The following C1orf21 variants were observed in gnomAD, a reference collection of about 807,000 sequenced individuals.
C1orf21 encodes chromosome 1 open reading frame 21.
Under a neutral mutation model 18.7 loss-of-function variants are expected in C1orf21, and 3 were observed. That is an observed-to-expected ratio of 0.16 (90% CI 0.07 to 0.42). The LOEUF is 0.42. Among genes scored for constraint, C1orf21 ranks in the 10% least tolerant of loss-of-function variants. C1orf21 has a pLI of 0.99. For missense variants in C1orf21, 104 were observed against 143.6 expected, an observed-to-expected ratio of 0.72 and a Z score of 1.41; for synonymous variants, 41 against 46.4, an observed-to-expected ratio of 0.88 and a Z score of 0.47.
At chr1:184,434,241 T>C (rs1656822867) in intron 1 of C1orf21, among the ~76,000 whole-genome samples, 1 of 152,110 alleles carries the variant, frequency 6.6e-6, no homozygotes, top group Non-Finnish European at 1.5e-5. Flanking sequence ...CTAAGGCTAA[T>C]ACCAGGTGAC....
chr1:184,488,834 G>T (rs1472058506), intron 2 of C1orf21, among the ~76,000 whole-genome samples: 1 of 152,140 alleles, frequency 6.6e-6, no homozygotes, highest in Non-Finnish European at 1.5e-5. Flanking sequence ...ATGTGGCAGC[G>T]TGCGCCTGTA....
chr1:184,610,130 C>T (rs1245608309), intron 5 of C1orf21, among the ~76,000 whole-genome samples: 2 of 151,908 alleles, frequency 1.3e-5, no homozygotes, highest in African/African-American at 4.8e-5. Context: ...ATCCAGCCTG[C>T]GAGACAAAAA....
intron 1 of C1orf21, among the ~76,000 whole-genome samples, chr1:184,447,434 C>T (rs915311574): frequency 3.3e-5 from 5 of 152,224 alleles, no homozygotes; most frequent in Admixed American, 6.5e-5. Flanking sequence ...TCTCTGCATG[C>T]GTGATATCAC....
rs146642084 is a variant in C1orf21 at position 184,501,836 on chromosome 1, G to A, written c.95-5752G>A. 2.1e-3 allele frequency among the ~76,000 whole-genome samples: 315 copies of A among 152,210 alleles called. 1 individual carries two copies. The highest frequency in any genetic ancestry group is 7.2e-3 in the African/African-American group (301 of 41,534). On this transcript the variant is annotated intron_variant, in intron 2 of 5. Transcript: ENST00000235307. ...GGGCCAGAAGTGTCCCCATAAAATG[G>A]TGTGATTTGTGGGAGTTCATAGAAG...
intron 2 of C1orf21, among the ~76,000 whole-genome samples, chr1:184,489,911 T>C (rs1470481878): frequency 6.6e-6 from 1 of 152,248 alleles, no homozygotes; most frequent in Non-Finnish European, 1.5e-5. Flanking sequence ...TTTTTCTGTG[T>C]GTCTTGAATC....
chr1:184,483,482 G>C (rs1657685513), intron 2 of C1orf21, among the ~76,000 whole-genome samples: 1 of 152,174 alleles, frequency 6.6e-6, no homozygotes, highest in African/African-American at 2.4e-5. Context: ...CAGTTATATT[G>C]ACTTCCTTTT....
chr1:184,424,077 C>A (rs114801394), intron 1 of C1orf21, among the ~76,000 whole-genome samples: 1,915 of 152,186 alleles, frequency 0.013, 32 homozygotes, highest in African/African-American at 0.038. Flanking sequence ...TGAGTGAAAT[C>A]TCCTTTATTT....
intron 3 of C1orf21, among the ~76,000 whole-genome samples, chr1:184,518,430 G>A (rs953990972): frequency 1.3e-5 from 2 of 152,198 alleles, no homozygotes; most frequent in African/African-American, 2.4e-5. Context: ...TTATGGCACA[G>A]CATGCTTGTG....
At chr1:184,419,932 T>C (rs1277148729) in intron 1 of C1orf21, among the ~76,000 whole-genome samples, 2 of 152,152 alleles carry the variant, frequency 1.3e-5, no homozygotes, top group African/African-American at 2.4e-5. Flanking sequence ...AGAGGGAAGG[T>C]GAAGGGTTTC....
At chr1:184,587,023 C>A (rs1301210262) in intron 3 of C1orf21, among the ~76,000 whole-genome samples, 1 of 152,188 alleles carries the variant, frequency 6.6e-6, no homozygotes, top group Non-Finnish European at 1.5e-5. Flanking sequence ...ATCCCAGCAC[C>A]ATTTATTGAA....
intron 1 of C1orf21, among the ~76,000 whole-genome samples, chr1:184,442,952 G>A (rs866772593): frequency 5.3e-5 from 8 of 152,178 alleles, no homozygotes; most frequent in African/African-American, 1.9e-4. Context: ...AACATTGTGT[G>A]ACAATTTAAT....
chr1:184,434,377 T>C (rs1454679970), intron 1 of C1orf21, among the ~76,000 whole-genome samples: 1 of 152,164 alleles, frequency 6.6e-6, no homozygotes, highest in African/African-American at 2.4e-5. Context: ...AGACTCAAAG[T>C]CATTCATTCA....
intron 1 of C1orf21, chr1:184,412,110 G>T (rs1557965617): frequency 1.3e-5 from 2 of 152,164 alleles, no homozygotes; most frequent in Non-Finnish European, 2.9e-5. Context: ...AGTTATTTTA[G>T]TTCCCTTACC....
chr1:184,448,349 G>T (rs1396167563), intron 1 of C1orf21, among the ~76,000 whole-genome samples: 1 of 152,190 alleles, frequency 6.6e-6, no homozygotes, highest in African/African-American at 2.4e-5. Context: ...CTCCCAAAGT[G>T]CTGGGATTAC....
At chr1:184,439,861 G>T (rs1038724095) in intron 1 of C1orf21, among the ~76,000 whole-genome samples, 1 of 152,204 alleles carries the variant, frequency 6.6e-6, no homozygotes, top group African/African-American at 2.4e-5. Flanking sequence ...TCAAAAGAAA[G>T]ATGGTATGAA....
chr1:184,493,924 C>T (rs749755367), intron 2 of C1orf21, among the ~76,000 whole-genome samples: 15 of 152,122 alleles, frequency 9.9e-5, no homozygotes, highest in Non-Finnish European at 1.9e-4. Context: ...TAAAGTTATT[C>T]ATTTAAGAAC....
At chr1:184,413,449 A>G (rs1456664119) in intron 1 of C1orf21, among the ~76,000 whole-genome samples, 1 of 152,208 alleles carries the variant, frequency 6.6e-6, no homozygotes, top group Non-Finnish European at 1.5e-5. Context: ...ATGTATTAAC[A>G]TATTGATGGT....
At chr1:184,515,846 T>C (rs905121590) in intron 3 of C1orf21, among the ~76,000 whole-genome samples, 2 of 152,200 alleles carry the variant, frequency 1.3e-5, no homozygotes, top group African/African-American at 4.8e-5. Context: ...TGAGTCTTGC[T>C]CTTGTCCCCC....
At chr1:184,533,118 C>T (rs1161809873) in intron 3 of C1orf21, among the ~76,000 whole-genome samples, 5 of 151,952 alleles carry the variant, frequency 3.3e-5, no homozygotes, top group African/African-American at 1.2e-4. Context: ...CAGGGATGAC[C>T]TCTCACTCCT....
Sources: gnomAD v4.1 joint callset for allele counts (sites outside exome capture counted in the v4.1 genomes callset) on GRCh38, gnomAD v4.1.1 for gene constraint, MANE v1.5 for transcripts, NCBI Gene and HGNC (gene_info 2026-07-23, HGNC 2026-07-21) for gene names.